MAPK8IP3: variants seen among roughly 807,000 people sequenced by gnomAD.
MAPK8IP3 encodes C-Jun-amino-terminal kinase-interacting protein 3.
A neutral mutation model predicts 157.8 loss-of-function variants in MAPK8IP3; 49 were observed. The ratio of observed to expected loss-of-function variants is 0.31; its 90% confidence interval spans 0.25 to 0.39. The LOEUF is 0.39. Ranked by LOEUF, MAPK8IP3 falls within the 10% of genes least tolerant of loss-of-function variation. MAPK8IP3 has a pLI of 1.00. For synonymous variants in MAPK8IP3, 897 were observed against 777.7 expected (o/e 1.15, Z -2.55); for missense variants, 1,478 against 1,889.4 (o/e 0.78, Z 4.04).
Position 1,760,545 on chromosome 16 carries a change from C to A in MAPK8IP3, c.1457+13C>A. 6.2e-7 allele frequency: 1 copy of A among 1,605,864 alleles called. No individual in the cohort carries two copies. On this transcript the variant is annotated intron_variant, in intron 12 of 31. Transcript: ENST00000610761. ...AGGAACTGAAAAGGTGAGGGCAGGG[C>A]ATGGAAAGCTGGTCAGAGAGGGACC... is the stretch of plus-strand genomic sequence containing the variant.
chr16:1,744,864 T>C (rs2040873278), intron 5 of MAPK8IP3: 1 of 961,282 alleles, frequency 1.0e-6, no homozygotes, highest in African/African-American at 1.8e-5. Flanking sequence ...TTTAAATTAT[T>C]ACATTTAAGT....
In MAPK8IP3 at chr16:1,765,965, A is replaced by G; in HGVS notation, c.2452A>G (p.Ser818Gly). The G allele has an allele frequency of 6.2e-7, 1 of 1,610,914 alleles. No individual in the cohort carries two copies. The highest frequency in any genetic ancestry group is 8.5e-7 in the Non-Finnish European group (1 of 1,178,912). The stretch of plus-strand genomic sequence containing the variant: ...CGGGCCGTCCCTCTCCCCAGCGGCC[A>G]GCGACAGCGACTACCCTCCCGGGGA... Reference protein sequence around the residue: ...VLCISSIPAASDSDYPPGEMF... With the variant: ...VLCISSIPAAGDSDYPPGEMF... The change falls in exon 21 of 32, where the codon AGC becomes GGC. Residue 818 changes from serine (S) to glycine (G), a missense_variant. Transcript: ENST00000610761.
chr16:1,764,868 T>A, intron 19 of MAPK8IP3, 145 bp from the exon 20 acceptor site: 1 of 769,554 alleles, frequency 1.3e-6, no homozygotes, highest in Non-Finnish European at 2.1e-6. Flanking sequence ...GTCCGCATTG[T>A]TCTGGTCCTG....
intron 28 of MAPK8IP3, 31 bp downstream of exon 28, chr16:1,767,949 G>C (rs762143308): frequency 1.2e-5 from 19 of 1,606,206 alleles, no homozygotes; most frequent in Middle Eastern, 1.6e-4. Flanking sequence ...CAGGGGCAGT[G>C]GTGCTGCCAG....
In MAPK8IP3 at chr16:1,760,473, T is replaced by C. The variant is rs2041869908; in HGVS notation, c.1398T>C (p.Ala466=). Reference sequence around the variant, plus strand: ...TGCTGAGGGGCGAGTTGGAGGCTGCTAAGCAGGCCAAAGTCAAGCTGGAAA... The same window carrying C: ...TGCTGAGGGGCGAGTTGGAGGCTGCCAAGCAGGCCAAAGTCAAGCTGGAAA... ...QEVLRGELEA[A]KQAKVKLENR... Residue 466 remains alanine, a synonymous_variant, in exon 12 of 32, where the codon GCT becomes GCC. Transcript: ENST00000610761. 1.2e-6 allele frequency: 2 copies of C among 1,613,806 alleles called. No individual in the cohort carries two copies. The highest frequency in any genetic ancestry group is 1.1e-5 in the South Asian group (1 of 91,074).
Position 1,751,364 on chromosome 16 carries a change from C to T in MAPK8IP3, c.1216+2644C>T, listed in dbSNP as rs568250914. Among the ~76,000 whole-genome samples the T allele has an allele frequency of 1.3e-5, 2 of 152,168 alleles. No homozygotes were observed. The highest frequency in any genetic ancestry group is 4.8e-5 in the African/African-American group (2 of 41,502). On this transcript the variant is annotated intron_variant, in intron 8 of 31. Transcript: ENST00000610761. This position sits in a 1 kb window ranked among gnomAD's most constrained non-coding sequence, Gnocchi z 5.0. Reference sequence around the variant, plus strand: ...ATCCCAGCTACTCGGGAGACTGAGGCAGAAGAATTGTTTGAACCCAGGAAG... The same window carrying T: ...ATCCCAGCTACTCGGGAGACTGAGGTAGAAGAATTGTTTGAACCCAGGAAG...
At chr16:1,747,327 T>C in intron 6 of MAPK8IP3, 52 bp downstream of exon 6, 1 of 1,592,308 alleles carries the variant, frequency 6.3e-7, no homozygotes, top group Non-Finnish European at 8.6e-7. Flanking sequence ...AGGCAGGGCT[T>C]GGTTTGGGTA....
chr16:1,749,175 T>G (rs899937527), intron 8 of MAPK8IP3, among the ~76,000 whole-genome samples: 1 of 152,222 alleles, frequency 6.6e-6, no homozygotes, highest in Non-Finnish European at 1.5e-5. Flanking sequence ...GAGGGTCGAC[T>G]GTATCATAAA....
chr16:1,749,112 G>C (rs1230080572), intron 8 of MAPK8IP3, among the ~76,000 whole-genome samples: 3 of 152,216 alleles, frequency 2.0e-5, no homozygotes, highest in Admixed American at 2.0e-4. Context: ...CCACAGGCCT[G>C]TACATTTTCT....
chr16:1,720,839 C>G (rs1176303472), intron 1 of MAPK8IP3, among the ~76,000 whole-genome samples: 2 of 151,428 alleles, frequency 1.3e-5, no homozygotes, highest in Non-Finnish European at 2.9e-5. Context: ...TCAAGACCAT[C>G]CTGGCTAACA....
intron 7 of MAPK8IP3, 35 bp downstream of exon 7, chr16:1,748,381 G>A (rs962760886): frequency 1.3e-6 from 2 of 1,532,588 alleles, no homozygotes; most frequent in Non-Finnish European, 9.0e-7. Context: ...GGTCCTGGGG[G>A]CTCAGTATTT....
At chr16:1,761,464 T>TCACCATTCACAGGCGGGGCGGC (rs2041937240) in intron 13 of MAPK8IP3, among the ~76,000 whole-genome samples, 159 bp downstream of exon 13, 1 of 148,790 alleles carries the variant, frequency 6.7e-6, no homozygotes, top group African/African-American at 2.5e-5. Context: ...CGGCCACCAT[T>TCACCATTCACAGGCGGGGCGGC]CACCATTCAC....
chr16:1,715,590 G>A (rs2038093141), intron 1 of MAPK8IP3, among the ~76,000 whole-genome samples: 1 of 152,132 alleles, frequency 6.6e-6, no homozygotes, highest in Non-Finnish European at 1.5e-5. Context: ...CTCATTCCCA[G>A]GGAAGGAAAT....
intron 4 of MAPK8IP3, among the ~76,000 whole-genome samples, chr16:1,738,246 G>A (rs1456946158): frequency 2.1e-5 from 2 of 94,228 alleles, no homozygotes; most frequent in African/African-American, 4.6e-5. Flanking sequence ...ATCCATTTGA[G>A]CATCCGTGTG....
At position 1,741,883 on chromosome 16, in the gene MAPK8IP3, T is replaced by C. The variant is rs1418922442; in HGVS notation, c.603-1449T>C. Among the ~76,000 whole-genome samples, 1 of 152,124 alleles carries C rather than the reference T, an allele frequency of 6.6e-6. No individual in the cohort carries two copies. Among genetic ancestry groups the C allele is most frequent in the African/African-American group, 2.4e-5 (1 of 41,424 alleles). On this transcript the variant is annotated intron_variant, in intron 4 of 31. Coordinates refer to ENST00000610761, the MANE Select transcript of MAPK8IP3 (RefSeq NM_001318852.2). This position sits in a 1 kb window ranked among gnomAD's most constrained non-coding sequence, Gnocchi z 6.9. ...CAGGCGGCCAGTCCCCAGAGCTGTA[T>C]GCACCCCACAAAGAGACCCCTTCCC...
Position 1,768,620 on chromosome 16 carries a change from C to T in MAPK8IP3, c.3886C>T (p.Arg1296Cys), listed in dbSNP as rs774536695. ...LSGGEGYIDFRIGDGEDDETE... is the reference protein window; with the variant it reads ...LSGGEGYIDFCIGDGEDDETE... ...CGGCGGGGAGGGCTACATCGACTTC[C>T]GCATTGGTGAGCGGGGCCCAGGGAC... is the stretch of plus-strand genomic sequence containing the variant. Residue 1296 changes from arginine to cysteine, a missense_variant, in exon 31 of 32, where the codon CGC becomes TGC. Transcript: ENST00000610761. 3 of 1,602,210 alleles carry T rather than the reference C, an allele frequency of 1.9e-6. No homozygotes were observed. Among genetic ancestry groups the T allele is most frequent in the Admixed American group, 1.7e-5 (1 of 58,326 alleles).
At chr16:1,712,702 C>G (rs557229859) in intron 1 of MAPK8IP3, among the ~76,000 whole-genome samples, 125 of 152,346 alleles carry the variant, frequency 8.2e-4, no homozygotes, top group African/African-American at 2.9e-3. Context: ...TGCCTCTGGT[C>G]TTCTGGCTGC....
intron 4 of MAPK8IP3, among the ~76,000 whole-genome samples, chr16:1,737,321 CGT>C (rs141317373): frequency 2.7e-4 from 23 of 86,422 alleles, no homozygotes; most frequent in South Asian, 6.2e-4. Context: ...TGTGACCGTC[CGT>C]GTGAGCATCC....
chr16:1,760,715 G>A (rs887186508), intron 12 of MAPK8IP3, among the ~76,000 whole-genome samples, 183 bp downstream of exon 12: 1 of 152,192 alleles, frequency 6.6e-6, no homozygotes, highest in African/African-American at 2.4e-5. Context: ...CTCCTCCTGA[G>A]CCTCCTACAG....
Sources: gnomAD v4.1 joint callset for allele counts (sites outside exome capture counted in the v4.1 genomes callset) on GRCh38, gnomAD v4.1.1 for gene constraint, Gnocchi (gnomAD v3.1) non-coding constraint, MANE v1.5 for transcripts, NCBI Gene and HGNC (gene_info 2026-07-23, HGNC 2026-07-21) for gene names.